The following TENM4 variants were observed in gnomAD, a reference collection of about 807,000 sequenced individuals.
The protein encoded by TENM4 is teneurin transmembrane protein 4, also known as teneurin-4.
In TENM4, 82 loss-of-function variants were observed where a neutral mutation model predicts 243.3. That is an observed-to-expected ratio of 0.34 (90% CI 0.28 to 0.40). TENM4 has a LOEUF of 0.40. Among genes scored for constraint, TENM4 ranks in the 10% least tolerant of loss-of-function variants. The pLI, the probability that TENM4 is intolerant of heterozygous loss-of-function variation, is 1.00. For synonymous variants in TENM4, 1,412 were observed against 1,456.3 expected (o/e 0.97, Z 0.69); for missense variants, 3,138 against 3,673.3 (o/e 0.85, Z 3.77).
intron 1 of TENM4, among the ~76,000 whole-genome samples, chr11:79,436,699 G>T (rs1477884342): frequency 1.3e-5 from 2 of 152,150 alleles, no homozygotes; most frequent in African/African-American, 2.4e-5. Flanking sequence ...CATCCGCACT[G>T]GTCAAGGCCG....
chr11:79,003,019 G>GT (rs1858373737), intron 6 of TENM4, among the ~76,000 whole-genome samples: 1 of 152,116 alleles, frequency 6.6e-6, no homozygotes, highest in African/African-American at 2.4e-5. Context: ...TAATACAATT[G>GT]TAAGTATTAA....
At chr11:79,052,052 T>C (rs1217884566) in intron 6 of TENM4, among the ~76,000 whole-genome samples, 2 of 152,252 alleles carry the variant, frequency 1.3e-5, no homozygotes. Context: ...TTCCATGTTT[T>C]TGCTATTGTA....
chr11:79,055,522 G>A (rs193246756), intron 6 of TENM4, among the ~76,000 whole-genome samples: 14 of 152,286 alleles, frequency 9.2e-5, no homozygotes, highest in South Asian at 2.1e-4. Flanking sequence ...GATTATGGGC[G>A]TGAGCCACTG....
intron 15 of TENM4, among the ~76,000 whole-genome samples, chr11:78,789,364 T>C (rs1020889813): frequency 4.6e-5 from 7 of 152,206 alleles, no homozygotes; most frequent in African/African-American, 1.7e-4. Context: ...GTTCAAGCTC[T>C]TTTCCTTTCT....
At chr11:78,736,800 T>C (rs1855809170) in intron 20 of TENM4, among the ~76,000 whole-genome samples, 1 of 152,180 alleles carries the variant, frequency 6.6e-6, no homozygotes, top group Non-Finnish European at 1.5e-5. Flanking sequence ...AGCCCCAAAA[T>C]GCATTGGTAA....
rs931938784 is a variant in TENM4, at chr11:78,653,151, G to T, written c.*4907C>A. The T allele has an allele frequency of 1.3e-5, 2 of 152,180 alleles. No individual in the cohort carries two copies. Among genetic ancestry groups the T allele is most frequent in the African/African-American group, 4.8e-5 (2 of 41,436 alleles). The allele number at this position is 152,180 out of a possible 1,614,324, so 9.4% of individuals were successfully genotyped here. A position where few individuals can be genotyped will look rare whatever the true frequency, so the allele number is the denominator to read the frequency against. On this transcript the variant is annotated 3_prime_UTR_variant, in exon 34 of 34. Coordinates refer to ENST00000278550, the MANE Select transcript of TENM4 (RefSeq NM_001098816.3). ...CCTGGAGGGATTTAGAGGGACCCTG[G>T]GGCCTAGGACTGAGTCCTCTCCCAG...
At chr11:79,132,914 C>T (rs1862041166) in intron 4 of TENM4, among the ~76,000 whole-genome samples, 1 of 152,120 alleles carries the variant, frequency 6.6e-6, no homozygotes, top group African/African-American at 2.4e-5. Flanking sequence ...CACAAACTGA[C>T]ATTCTAAGGT....
At chr11:79,353,157 G>A (rs1474222251) in intron 1 of TENM4, among the ~76,000 whole-genome samples, 1 of 152,136 alleles carries the variant, frequency 6.6e-6, no homozygotes, top group Non-Finnish European at 1.5e-5. Flanking sequence ...TAACCAGCAC[G>A]AGGCACCAAT....
At chr11:79,197,494 T>C (rs931630746) in intron 3 of TENM4, among the ~76,000 whole-genome samples, 1 of 152,158 alleles carries the variant, frequency 6.6e-6, no homozygotes, top group Admixed American at 6.6e-5. Context: ...CAGGCTGGAT[T>C]GAACCAGGTC....
chr11:78,766,070 G>A (rs757647313), intron 18 of TENM4, among the ~76,000 whole-genome samples: 6 of 152,106 alleles, frequency 3.9e-5, no homozygotes, highest in African/African-American at 7.2e-5. Context: ...GTGATTGCAG[G>A]TGGAGAGAAG....
chr11:79,375,278 G>T (rs1857869374), intron 1 of TENM4, among the ~76,000 whole-genome samples: 1 of 152,062 alleles, frequency 6.6e-6, no homozygotes, highest in South Asian at 2.1e-4. Flanking sequence ...TTTTATTACA[G>T]AAGTCATATG....
chr11:79,170,529 A>G (rs1244433594), intron 3 of TENM4, among the ~76,000 whole-genome samples: 1 of 152,220 alleles, frequency 6.6e-6, no homozygotes, highest in African/African-American at 2.4e-5. Flanking sequence ...CCCCTAATCC[A>G]ATATGACTCG....
chr11:78,870,805 A>T (rs930747899), intron 9 of TENM4, among the ~76,000 whole-genome samples: 7 of 152,218 alleles, frequency 4.6e-5, no homozygotes, highest in African/African-American at 1.7e-4. Context: ...CCACCAATAC[A>T]GAGGAGGAAT....
intron 1 of TENM4, among the ~76,000 whole-genome samples, chr11:79,307,594 T>C (rs1260322981): frequency 6.6e-6 from 1 of 152,184 alleles, no homozygotes; most frequent in Non-Finnish European, 1.5e-5. Context: ...CTCGTCCTCA[T>C]AGAAGATGTG....
At chr11:79,430,331 T>C (rs1490131503) in intron 1 of TENM4, among the ~76,000 whole-genome samples, 2 of 151,738 alleles carry the variant, frequency 1.3e-5, no homozygotes, top group Admixed American at 6.6e-5. Context: ...ATAAGCAAAA[T>C]ACAATGGCCC....
At chr11:79,171,911 C>A (rs1863054083) in intron 3 of TENM4, among the ~76,000 whole-genome samples, 2 of 152,276 alleles carry the variant, frequency 1.3e-5, no homozygotes, top group South Asian at 4.2e-4. Flanking sequence ...CTTTGCCATC[C>A]AAAGCAGGTC....
At chr11:78,661,724 T>G in intron 32 of TENM4, 133 bp from the exon 33 acceptor site, 11 of 1,140,642 alleles carry the variant, frequency 9.6e-6, no homozygotes, top group Non-Finnish European at 1.4e-5. Context: ...GAGAGTCAAC[T>G]GCTACATACA....
At chr11:78,671,886 C>T in intron 31 of TENM4, 147 bp downstream of exon 31, 7 of 1,068,148 alleles carry the variant, frequency 6.6e-6, no homozygotes, top group Non-Finnish European at 9.3e-6. Flanking sequence ...CTTGGGACCC[C>T]ATGCCCTCTG....
At chr11:79,346,300 G>A (rs1857325116) in intron 1 of TENM4, among the ~76,000 whole-genome samples, 3 of 152,154 alleles carry the variant, frequency 2.0e-5, no homozygotes, top group East Asian at 1.9e-4. Flanking sequence ...GTCTGGGTAA[G>A]TCTCTTCTCC....
Sources: allele counts gnomAD v4.1 joint callset (sites outside exome capture counted in the v4.1 genomes callset), GRCh38; gene constraint gnomAD v4.1.1; transcripts MANE v1.5; gene names NCBI Gene and HGNC (gene_info 2026-07-23, HGNC 2026-07-21).